The following KCNK3 variants were observed in gnomAD, a reference collection of about 807,000 sequenced individuals.
The protein encoded by KCNK3 is potassium two pore domain channel subfamily K member 3, also known as potassium channel subfamily K member 3.
In KCNK3, 9 loss-of-function variants were observed where a neutral mutation model predicts 27.3. The ratio of observed to expected loss-of-function variants is 0.33; its 90% confidence interval spans 0.20 to 0.57. The LOEUF is 0.57. Ranked by LOEUF, KCNK3 falls within the 20% of genes least tolerant of loss-of-function variation. The pLI, the probability that KCNK3 is intolerant of heterozygous loss-of-function variation, is 0.87. For synonymous variants in KCNK3, 278 were observed against 273.8 expected (o/e 1.02, Z -0.15); for missense variants, 391 against 577.7 (o/e 0.68, Z 3.31).
intron 1 of KCNK3, among the ~76,000 whole-genome samples, chr2:26,706,067 G>T (rs1670369017): frequency 6.6e-6 from 1 of 152,190 alleles, no homozygotes. Flanking sequence ...CCTGGATCTG[G>T]GATGATGGAG....
intron 1 of KCNK3, among the ~76,000 whole-genome samples, chr2:26,711,291 C>T (rs1436651593): frequency 3.3e-5 from 5 of 152,328 alleles, no homozygotes; most frequent in South Asian, 2.1e-4. Context: ...ACCGTGAAAA[C>T]GCTCTGAAGT....
At chr2:26,720,392 C>T (rs374494987) in intron 1 of KCNK3, among the ~76,000 whole-genome samples, 2 of 152,328 alleles carry the variant, frequency 1.3e-5, no homozygotes, top group South Asian at 2.1e-4. Flanking sequence ...TGCACAAAGC[C>T]GGCCTCTGGG....
chr2:26,726,242 G>A (rs1394258556), intron 1 of KCNK3, among the ~76,000 whole-genome samples: 2 of 152,100 alleles, frequency 1.3e-5, no homozygotes, highest in African/African-American at 4.8e-5. Context: ...TGTGGAGGTA[G>A]AAGCTAGAGA....
In KCNK3 at chr2:26,732,753, A is replaced by T. The variant is rs3739081; in HGVS notation, c.*4185A>T. 2.0e-5 allele frequency: 3 copies of T among 152,214 alleles called. No homozygotes were observed. The highest frequency in any genetic ancestry group is 6.5e-5 in the Admixed American group (1 of 15,290). The allele number at this position is 152,214 out of a possible 1,614,324, so 9.4% of individuals were successfully genotyped here. ...AAACAGCTAAATGCAACAATAGCAG[A>T]AATTAGCTTGTTTTTGAGGTTGGCA... On this transcript the variant is annotated 3_prime_UTR_variant, in exon 2 of 2. Coordinates refer to ENST00000302909, the MANE Select transcript of KCNK3 (RefSeq NM_002246.3).
At chr2:26,723,490 C>A (rs1663358980) in intron 1 of KCNK3, among the ~76,000 whole-genome samples, 1 of 152,226 alleles carries the variant, frequency 6.6e-6, no homozygotes, top group South Asian at 2.1e-4. Flanking sequence ...GGGTCCCAGG[C>A]CACCTCTTAG....
chr2:26,694,281 G>A (rs1157116418), intron 1 of KCNK3, among the ~76,000 whole-genome samples: 1 of 152,130 alleles, frequency 6.6e-6, no homozygotes, highest in African/African-American at 2.4e-5. Context: ...TTCCCCCAAA[G>A]CCCATTGAGA....
intron 1 of KCNK3, among the ~76,000 whole-genome samples, chr2:26,711,337 C>A (rs1303814666): frequency 1.3e-5 from 2 of 152,196 alleles, no homozygotes; most frequent in Non-Finnish European, 2.9e-5. Context: ...CATCAAGGAA[C>A]AGCGTGATTA....
chr2:26,701,099 A>G (rs1438782099), intron 1 of KCNK3, among the ~76,000 whole-genome samples: 1 of 152,240 alleles, frequency 6.6e-6, no homozygotes, highest in Non-Finnish European at 1.5e-5. Flanking sequence ...GATCAGATCC[A>G]TTGTCCACAT....
chr2:26,703,143 T>G (rs1670330970), intron 1 of KCNK3, among the ~76,000 whole-genome samples: 1 of 152,080 alleles, frequency 6.6e-6, no homozygotes, highest in Non-Finnish European at 1.5e-5. Context: ...AGGCCGGAGC[T>G]CTCTTCAGTA....
rs770715589 is a variant in KCNK3, at chr2:26,721,574, C to T, written c.284-6093C>T. Among the ~76,000 whole-genome samples, 2 of 152,212 alleles carry T rather than the reference C, an allele frequency of 1.3e-5. No homozygotes were observed. The highest frequency in any genetic ancestry group is 4.8e-5 in the African/African-American group (2 of 41,456). ...GTGCCTCAGGCGCCTGAGCTGGTTC[C>T]TCGTGGGCCCTCCCCTGGGTGCCCT... On this transcript the variant is annotated intron_variant, in intron 1 of 1. Coordinates refer to ENST00000302909, the MANE Select transcript of KCNK3 (RefSeq NM_002246.3). The surrounding 1 kb of genome is among the most constrained non-coding windows in gnomAD (Gnocchi z 4.3).
At chr2:26,694,340 CT>C (rs1334263585) in intron 1 of KCNK3, among the ~76,000 whole-genome samples, 2 of 152,210 alleles carry the variant, frequency 1.3e-5, no homozygotes, top group Admixed American at 6.5e-5. Flanking sequence ...TCTCCTCTCC[CT>C]AGTCCCCTTC....
chr2:26,711,034 C>T lies in KCNK3; in HGVS notation c.284-16633C>T, dbSNP rs1002231446. ...AAATGTGCCCCCTCCCTCACGGTCC[C>T]GCCCTGAGTGCCGGAGCTAACCAGC... On this transcript the variant is annotated intron_variant, in intron 1 of 1. Transcript: ENST00000302909. Among the ~76,000 whole-genome samples the T allele has an allele frequency of 3.3e-5, 5 of 152,224 alleles. No homozygotes were observed. In the South Asian group the frequency reaches 8.3e-4, roughly 25 times the overall value.
chr2:26,694,414 GT>G (rs935609221), intron 1 of KCNK3, among the ~76,000 whole-genome samples: 1 of 152,186 alleles, frequency 6.6e-6, no homozygotes, highest in South Asian at 2.1e-4. Flanking sequence ...AGATGGCATT[GT>G]TTTCCTGGGA....
At chr2:26,699,100 C>T (rs529227173) in intron 1 of KCNK3, among the ~76,000 whole-genome samples, 1 of 151,184 alleles carries the variant, frequency 6.6e-6, no homozygotes, top group East Asian at 1.9e-4. Flanking sequence ...ATCGCTTAAA[C>T]CTGGGAGGCA....
chr2:26,726,610 T>C (rs1004667191), intron 1 of KCNK3, among the ~76,000 whole-genome samples: 2 of 151,318 alleles, frequency 1.3e-5, no homozygotes, highest in African/African-American at 4.9e-5. Flanking sequence ...GTTCAGAGAG[T>C]GGGAGTAATT....
rs1243124385 is a variant in KCNK3 at position 26,699,165 on chromosome 2, A to G, written c.283+6007A>G. Among the ~76,000 whole-genome samples, 6 of 148,376 alleles carry G rather than the reference A, an allele frequency of 4.0e-5. No individual in the cohort carries two copies. The South Asian group carries it at 1.1e-3, about 27-fold the overall frequency. ...TGCACCCCAGCCTGGGCAACACAGC[A>G]AGACTCCGTCTCAGAAAAAAAAAAA... On this transcript the variant is annotated intron_variant, in intron 1 of 1. Coordinates refer to ENST00000302909, the MANE Select transcript of KCNK3 (RefSeq NM_002246.3).
chr2:26,718,845 C>CTGAGGTGGGGAG (rs1381607199), intron 1 of KCNK3, among the ~76,000 whole-genome samples: 1 of 152,042 alleles, frequency 6.6e-6, no homozygotes, highest in African/African-American at 2.4e-5. Context: ...TGGGCTCAAG[C>CTGAGGTGGGGAG]GATCCTCCCA....
At position 26,730,137 on chromosome 2, in the gene KCNK3, C is replaced by G. The variant is rs978795010; in HGVS notation, c.*1569C>G. The G allele has an allele frequency of 3.3e-5, 5 of 152,228 alleles. No individual in the cohort carries two copies. The highest frequency in any genetic ancestry group is 1.2e-4 in the African/African-American group (5 of 41,426). The allele number at this position is 152,228 out of a possible 1,614,324, so 9.4% of individuals were successfully genotyped here. On this transcript the variant is annotated 3_prime_UTR_variant, in exon 2 of 2. Coordinates refer to ENST00000302909, the MANE Select transcript of KCNK3 (RefSeq NM_002246.3). ...TTACAAACAGTGCAGTTCTTGGGAC[C>G]GAGGTAAGCAGGGCTGGGTCTCATG...
intron 1 of KCNK3, among the ~76,000 whole-genome samples, chr2:26,697,286 C>T (rs1670247632): frequency 6.6e-6 from 1 of 152,190 alleles, no homozygotes; most frequent in African/African-American, 2.4e-5. Flanking sequence ...AGACAGATCG[C>T]TTGAGGCCAG....
Sources: gnomAD v4.1 joint callset for allele counts (sites outside exome capture counted in the v4.1 genomes callset) on GRCh38, gnomAD v4.1.1 for gene constraint, Gnocchi (gnomAD v3.1) non-coding constraint, MANE v1.5 for transcripts, NCBI Gene and HGNC (gene_info 2026-07-23, HGNC 2026-07-21) for gene names.